SLC24A2: variants seen among roughly 807,000 people sequenced by gnomAD.
The protein encoded by SLC24A2 is solute carrier family 24 member 2.
In SLC24A2, 36 loss-of-function variants were observed where a neutral mutation model predicts 62.0. The ratio of observed to expected loss-of-function variants is 0.58; its 90% CI spans 0.44 to 0.77. The LOEUF (loss-of-function observed/expected upper bound fraction) is 0.77. Among genes scored for constraint, SLC24A2 ranks in the 30% least tolerant of loss-of-function variants. SLC24A2 has a pLI of 0.00. For missense variants in SLC24A2, 846 were observed against 817.9 expected (o/e 1.03, Z -0.42); for synonymous variants, 358 against 294.0 (o/e 1.22, Z -2.23).
At chr9:19,934,156 A>T in the SLC24A2 span, among the ~76,000 whole-genome samples, 1 of 152,208 alleles carries the variant, frequency 6.6e-6, no homozygotes, top group East Asian at 1.9e-4. This position sits in a 1 kb window ranked among gnomAD's most constrained non-coding sequence, Gnocchi z 4.1. Context: ...ACAGATTTTC[A>T]GAGCAAACTA....
At chr9:20,286,872 A>G in the SLC24A2 span, among the ~76,000 whole-genome samples, 5 of 152,170 alleles carry the variant, frequency 3.3e-5, no homozygotes, top group African/African-American at 1.2e-4. Context: ...GAGGATTCCA[A>G]CCCTACTAAC....
At chr9:19,922,340 A>T in the SLC24A2 span, among the ~76,000 whole-genome samples, 2 of 152,184 alleles carry the variant, frequency 1.3e-5, no homozygotes, top group Admixed American at 6.5e-5. Flanking sequence ...AATTCCTATG[A>T]TGTTTTTTAA....
chr9:19,898,299 AG>A, the SLC24A2 span, among the ~76,000 whole-genome samples: 1 of 152,310 alleles, frequency 6.6e-6, no homozygotes, highest in Admixed American at 6.5e-5. Flanking sequence ...AATAGGACAA[AG>A]GCCAAACTCA....
intron 2 of SLC24A2, among the ~76,000 whole-genome samples, chr9:19,700,723 T>C (rs1053708444): frequency 2.6e-5 from 4 of 152,326 alleles, no homozygotes; most frequent in Non-Finnish European, 1.5e-5. Flanking sequence ...TTTATCTAAA[T>C]ATACCTGTGA....
At chr9:19,586,717 C>T (rs140797846) in intron 5 of SLC24A2, among the ~76,000 whole-genome samples, 11 of 152,108 alleles carry the variant, frequency 7.2e-5, no homozygotes, top group Non-Finnish European at 1.6e-4. Flanking sequence ...ACTTACTGAT[C>T]GTGGCCGTTT....
the SLC24A2 span, among the ~76,000 whole-genome samples, chr9:20,020,921 C>T: frequency 6.6e-6 from 1 of 152,060 alleles, no homozygotes; most frequent in Non-Finnish European, 1.5e-5. Flanking sequence ...TGAAAGAGTT[C>T]CCATGTGGCT....
At chr9:19,848,839 A>G in the SLC24A2 span, among the ~76,000 whole-genome samples, 1 of 152,248 alleles carries the variant, frequency 6.6e-6, no homozygotes, top group Non-Finnish European at 1.5e-5. Context: ...ACTTGACCTG[A>G]GCATTTATTA....
chr9:19,750,860 C>A (rs886126966), intron 2 of SLC24A2, among the ~76,000 whole-genome samples: 1 of 152,146 alleles, frequency 6.6e-6, no homozygotes, highest in African/African-American at 2.4e-5. Context: ...TGACTTTGCA[C>A]AGACAGTTCC....
intron 5 of SLC24A2, among the ~76,000 whole-genome samples, chr9:19,582,576 A>G (rs1275801639): frequency 1.3e-5 from 2 of 152,186 alleles, no homozygotes; most frequent in South Asian, 2.1e-4. Context: ...TTTAAAATCT[A>G]TTTTTGTGTT....
the SLC24A2 span, among the ~76,000 whole-genome samples, chr9:19,937,621 C>T: frequency 4.6e-5 from 7 of 152,116 alleles, no homozygotes; most frequent in South Asian, 6.2e-4. Flanking sequence ...AATGAACACC[C>T]GGATTACAGC....
chr9:20,246,504 A>C, the SLC24A2 span, among the ~76,000 whole-genome samples: 1 of 152,196 alleles, frequency 6.6e-6, no homozygotes, highest in Non-Finnish European at 1.5e-5. Flanking sequence ...AATTTTACGA[A>C]CCACTCAGCA....
the SLC24A2 span, among the ~76,000 whole-genome samples, chr9:20,102,349 G>C: frequency 1.3e-5 from 2 of 152,104 alleles, no homozygotes; most frequent in African/African-American, 2.4e-5. Context: ...GCAGGGACAT[G>C]GATGAAGCTG....
intron 2 of SLC24A2, among the ~76,000 whole-genome samples, chr9:19,733,158 C>G (rs1445099512): frequency 6.6e-6 from 1 of 151,694 alleles, no homozygotes; most frequent in Non-Finnish European, 1.5e-5. Flanking sequence ...TCCAGAACTA[C>G]TGCCCTTTGG....
chr9:20,012,649 C>T, the SLC24A2 span, among the ~76,000 whole-genome samples: 5 of 152,052 alleles, frequency 3.3e-5, no homozygotes, highest in Admixed American at 1.3e-4. Context: ...AAAGATCCCC[C>T]CATAAAACTA....
intron 10 of SLC24A2, among the ~76,000 whole-genome samples, chr9:19,518,460 C>T (rs369926740): frequency 1.0e-4 from 15 of 143,422 alleles, no homozygotes; most frequent in African/African-American, 2.6e-4. Context: ...CTTGCTCTGT[C>T]GCCCAGGCTG....
At chr9:20,241,374 A>G in the SLC24A2 span, among the ~76,000 whole-genome samples, 1 of 152,212 alleles carries the variant, frequency 6.6e-6, no homozygotes, top group Non-Finnish European at 1.5e-5. Flanking sequence ...CTAGGGAAGC[A>G]TGTAGCATAA....
chr9:19,857,078 A>C, the SLC24A2 span, among the ~76,000 whole-genome samples: 1 of 152,212 alleles, frequency 6.6e-6, no homozygotes, highest in African/African-American at 2.4e-5. Flanking sequence ...TTGAAAAATC[A>C]ATCTCACTGG....
chr9:19,661,271 A>C (rs1819092043), intron 2 of SLC24A2, among the ~76,000 whole-genome samples: 1 of 151,826 alleles, frequency 6.6e-6, no homozygotes, highest in Admixed American at 6.6e-5. Flanking sequence ...CCATATTAAC[A>C]TATTTTTGCA....
At chr9:20,122,032 T>C in the SLC24A2 span, among the ~76,000 whole-genome samples, 4 of 152,184 alleles carry the variant, frequency 2.6e-5, 1 homozygote, top group South Asian at 4.1e-4. Flanking sequence ...AATGTGTTCA[T>C]TGGACTGAGG....
Sources: allele counts gnomAD v4.1 joint callset (sites outside exome capture counted in the v4.1 genomes callset), GRCh38; gene constraint gnomAD v4.1.1; non-coding constraint Gnocchi (gnomAD v3.1); transcripts MANE v1.5; gene names NCBI Gene and HGNC (gene_info 2026-07-23, HGNC 2026-07-21).